The following RABGAP1L variants were observed in gnomAD, a reference collection of about 807,000 sequenced individuals.
RABGAP1L encodes the protein rab GTPase-activating protein 1-like.
RABGAP1L carries 63 observed loss-of-function variants against 137.7 expected under a neutral mutation model. That is an observed-to-expected ratio of 0.46 (90% confidence interval 0.37 to 0.56). The LOEUF (loss-of-function observed/expected upper bound fraction) is 0.56. Among genes scored for constraint, RABGAP1L ranks in the 20% least tolerant of loss-of-function variants. The pLI is 0.00. For missense variants in RABGAP1L, 1,095 were observed against 1,244.0 expected (o/e 0.88, Z 1.80); for synonymous variants, 431 against 433.7 (o/e 0.99, Z 0.08).
chr1:174,889,547 A>G (rs1655771975), intron 19 of RABGAP1L, among the ~76,000 whole-genome samples: 1 of 151,690 alleles, frequency 6.6e-6, no homozygotes, highest in African/African-American at 2.4e-5. Flanking sequence ...CAACCTCTCA[A>G]GTAGTTGGGA....
chr1:174,448,746 A>G lies in RABGAP1L; in HGVS notation c.1710+54601A>G, dbSNP rs1260439507. ...ACTGGCTTTATTGTTTGTTTACTTT[A>G]TGCTCCTGCTGCCTTTGTTGTCTGC... is the stretch of plus-strand genomic sequence containing the variant. On this transcript the variant is annotated intron_variant, in intron 13 of 25. Coordinates refer to ENST00000681986, the MANE Select transcript of RABGAP1L (RefSeq NM_001366446.1). This position sits in a 1 kb window ranked among gnomAD's most constrained non-coding sequence, Gnocchi z 4.2. 6.2e-7 allele frequency: 1 copy of G among 1,613,678 alleles called. No homozygotes were observed. Among genetic ancestry groups the G allele is most frequent in the Non-Finnish European group, 8.5e-7 (1 of 1,179,786 alleles).
intron 11 of RABGAP1L, among the ~76,000 whole-genome samples, chr1:174,311,007 T>G (rs1047035985): frequency 6.6e-6 from 1 of 152,018 alleles, no homozygotes; most frequent in East Asian, 1.9e-4. Context: ...ATTCTTTCAA[T>G]TTTTTTTGTA....
intron 1 of RABGAP1L, among the ~76,000 whole-genome samples, chr1:174,199,069 T>C (rs1018325860): frequency 1.5e-4 from 23 of 150,084 alleles, no homozygotes; most frequent in African/African-American, 5.4e-4. Flanking sequence ...GATTGCGCCA[T>C]TGCACTCCAG....
chr1:174,599,912 C>T (rs373400479), intron 13 of RABGAP1L, among the ~76,000 whole-genome samples: 1 of 152,124 alleles, frequency 6.6e-6, no homozygotes, highest in East Asian at 1.9e-4. Context: ...TTGAATAATG[C>T]TGTCTACCCT....
intron 17 of RABGAP1L, among the ~76,000 whole-genome samples, chr1:174,736,966 G>A (rs1683001707): frequency 6.6e-6 from 1 of 152,184 alleles, no homozygotes; most frequent in South Asian, 2.1e-4. Context: ...CTCTTCCTAT[G>A]ATGGGAGGGG....
At chr1:174,413,375 G>A (rs914287971) in intron 13 of RABGAP1L, among the ~76,000 whole-genome samples, 14 of 151,988 alleles carry the variant, frequency 9.2e-5, no homozygotes, top group Non-Finnish European at 7.4e-5. Flanking sequence ...CGTTTGTGTC[G>A]ATTTTCAACC....
intron 17 of RABGAP1L, among the ~76,000 whole-genome samples, chr1:174,719,029 G>T (rs982654587): frequency 3.3e-5 from 5 of 151,744 alleles, no homozygotes; most frequent in Admixed American, 2.6e-4. Flanking sequence ...AGTAGAGATG[G>T]GGTTTCTCCA....
chr1:174,966,493 TG>T (rs1239090117), intron 20 of RABGAP1L, among the ~76,000 whole-genome samples: 2 of 152,204 alleles, frequency 1.3e-5, no homozygotes, highest in Non-Finnish European at 2.9e-5. Context: ...GTTTCCTATA[TG>T]TTTTTTTTCC....
intron 11 of RABGAP1L, among the ~76,000 whole-genome samples, chr1:174,332,708 C>G (rs572035373): frequency 4.6e-5 from 7 of 151,930 alleles, no homozygotes; most frequent in Non-Finnish European, 7.4e-5. Flanking sequence ...GAAACAGGAA[C>G]TCTTATATGC....
chr1:174,327,965 A>ATATATATATATACG (rs1680601900), intron 11 of RABGAP1L, among the ~76,000 whole-genome samples: 15 of 13,834 alleles, frequency 1.1e-3, no homozygotes, highest in African/African-American at 0.01. Flanking sequence ...AAATATATAT[A>ATATATATATATACG]TATATATATA....
At chr1:174,663,093 G>C (rs768572960) in intron 14 of RABGAP1L, among the ~76,000 whole-genome samples, 9 of 152,062 alleles carry the variant, frequency 5.9e-5, no homozygotes, top group Admixed American at 5.9e-4. Context: ...TAGCCTAAGC[G>C]TACAGTATTT....
At chr1:174,929,084 A>G (rs915457086) in intron 19 of RABGAP1L, among the ~76,000 whole-genome samples, 21 of 151,752 alleles carry the variant, frequency 1.4e-4, no homozygotes, top group African/African-American at 5.1e-4. Flanking sequence ...GGCTGGGGGG[A>G]GGGATAGCAT....
At chr1:174,506,012 G>A (rs1009572714) in intron 13 of RABGAP1L, among the ~76,000 whole-genome samples, 1 of 152,208 alleles carries the variant, frequency 6.6e-6, no homozygotes, top group Non-Finnish European at 1.5e-5. Context: ...GAACCTGGAA[G>A]ATGTTATATT....
chr1:174,167,407 A>G (rs779828134), intron 1 of RABGAP1L, among the ~76,000 whole-genome samples: 8 of 152,220 alleles, frequency 5.3e-5, no homozygotes, highest in Non-Finnish European at 1.0e-4. Flanking sequence ...ACATACATAC[A>G]TATATATTTA....
chr1:174,281,714 T>G (rs181172934), intron 10 of RABGAP1L, among the ~76,000 whole-genome samples: 2 of 152,210 alleles, frequency 1.3e-5, no homozygotes, highest in African/African-American at 4.8e-5. Context: ...TCAGAGTTCT[T>G]TTCTAAATCA....
chr1:174,403,661 A>G (rs1189862199), intron 13 of RABGAP1L, among the ~76,000 whole-genome samples: 3 of 152,078 alleles, frequency 2.0e-5, no homozygotes, highest in Non-Finnish European at 4.4e-5. Flanking sequence ...TTAATAATGG[A>G]TATTGGTGTC....
chr1:174,492,176 CT>C (rs756360090), intron 13 of RABGAP1L, among the ~76,000 whole-genome samples: 7,741 of 119,950 alleles, frequency 0.065, 187 homozygotes, highest in African/African-American at 0.1. Context: ...TGTCGAATTA[CT>C]TTTTTTTTTT....
intron 13 of RABGAP1L, among the ~76,000 whole-genome samples, chr1:174,528,458 G>T (rs1029785604): frequency 6.6e-6 from 1 of 151,060 alleles, no homozygotes; most frequent in Non-Finnish European, 1.5e-5. Context: ...CATTTTTTAA[G>T]GATAATTTTG....
intron 17 of RABGAP1L, among the ~76,000 whole-genome samples, chr1:174,710,843 GC>G (rs1680432226): frequency 6.6e-6 from 1 of 152,204 alleles, no homozygotes; most frequent in Non-Finnish European, 1.5e-5. Context: ...ATGTAAATAG[GC>G]TAAATACCCC....
Sources: gnomAD v4.1 joint callset for allele counts (sites outside exome capture counted in the v4.1 genomes callset) on GRCh38, gnomAD v4.1.1 for gene constraint, Gnocchi (gnomAD v3.1) non-coding constraint, MANE v1.5 for transcripts, NCBI Gene and HGNC (gene_info 2026-07-23, HGNC 2026-07-21) for gene names.